LRRC37A2: variants seen among roughly 807,000 people sequenced by gnomAD.
LRRC37A2 encodes leucine-rich repeat-containing protein 37A2.
In LRRC37A2, 9 loss-of-function variants were observed where a neutral mutation model predicts 68.8. The ratio of observed to expected loss-of-function variants is 0.13; its 90% CI spans 0.08 to 0.23. The LOEUF is 0.23. LRRC37A2 is among the 10% of genes least tolerant of loss of function. The probability of loss-of-function intolerance (pLI) is 1.00; values close to 1 mark genes in which losing one functional copy is unlikely to be tolerated. For synonymous variants in LRRC37A2, 63 were observed against 367.6 expected, an observed-to-expected ratio of 0.17 and a Z score of 9.48; for missense variants, 168 against 950.4, an observed-to-expected ratio of 0.18 and a Z score of 10.82.
At chr17:46,379,866 GTTTTTTTTTTTT>G in the LRRC37A2 span, among the ~76,000 whole-genome samples, 6 of 47,808 alleles carry the variant, frequency 1.3e-4, no homozygotes, top group African/African-American at 3.2e-4. Context: ...TTGCAATACT[GTTTTTTTTTTTT>G]TTTTTTTTTT....
At chr17:47,019,937 A>C in the LRRC37A2 span, 1 of 682,568 alleles carries the variant, frequency 1.5e-6, no homozygotes, top group Non-Finnish European at 2.6e-6. Flanking sequence ...TTGCTTGTCA[A>C]CTCTCCCTTC....
chr17:46,919,839 C>A, the LRRC37A2 span, among the ~76,000 whole-genome samples: 1 of 151,948 alleles, frequency 6.6e-6, no homozygotes, highest in African/African-American at 2.4e-5. Context: ...CCTAGCTACT[C>A]GGGAGGCTGA....
chr17:46,723,087 G>A, the LRRC37A2 span, among the ~76,000 whole-genome samples: 1 of 152,202 alleles, frequency 6.6e-6, no homozygotes, highest in African/African-American at 2.4e-5. Flanking sequence ...AGATAAGTTG[G>A]TGAGACTACA....
chr17:46,986,974 G>A, the LRRC37A2 span, among the ~76,000 whole-genome samples: 2 of 152,130 alleles, frequency 1.3e-5, no homozygotes, highest in Non-Finnish European at 2.9e-5. Flanking sequence ...GGCCAGGGGG[G>A]GTGGCTCACA....
the LRRC37A2 span, among the ~76,000 whole-genome samples, chr17:46,951,890 T>TC: frequency 4.3e-3 from 653 of 151,708 alleles, 37 homozygotes; most frequent in East Asian, 0.1. Flanking sequence ...TCGCTGCTTC[T>TC]CCCCCCCAGA....
At chr17:46,800,938 G>T in the LRRC37A2 span, among the ~76,000 whole-genome samples, 1 of 152,162 alleles carries the variant, frequency 6.6e-6, no homozygotes, top group African/African-American at 2.4e-5. Flanking sequence ...GAGAAGGCAG[G>T]GGGTAGCACA....
At chr17:46,541,751 T>C (rs1310563501) in intron 8 of LRRC37A2, among the ~76,000 whole-genome samples, 1 of 150,888 alleles carries the variant, frequency 6.6e-6, no homozygotes, top group Non-Finnish European at 1.5e-5. Context: ...AGTATAATTA[T>C]GTACATACCA....
chr17:47,034,808 T>C, the LRRC37A2 span, among the ~76,000 whole-genome samples: 8 of 151,698 alleles, frequency 5.3e-5, no homozygotes, highest in Non-Finnish European at 2.9e-5. Flanking sequence ...CCACCAGTGG[T>C]CTTACAACTT....
the LRRC37A2 span, among the ~76,000 whole-genome samples, chr17:46,890,356 G>C: frequency 0.25 from 38,041 of 152,176 alleles, 6,051 homozygotes; most frequent in Non-Finnish European, 0.36. Context: ...CCCCTGGTGG[G>C]CTTTCCTCCT....
At chr17:46,721,506 A>G in the LRRC37A2 span, 5 of 915,568 alleles carry the variant, frequency 5.5e-6, no homozygotes, top group South Asian at 5.5e-5. Flanking sequence ...AGGAAACTTC[A>G]TAATAGAACT....
the LRRC37A2 span, among the ~76,000 whole-genome samples, chr17:46,813,912 A>G: frequency 6.6e-6 from 1 of 152,200 alleles, no homozygotes; most frequent in Non-Finnish European, 1.5e-5. Context: ...TGTCTGCCTC[A>G]GTTTCTCCAC....
the LRRC37A2 span, among the ~76,000 whole-genome samples, chr17:46,786,516 C>T: frequency 3.9e-5 from 6 of 152,258 alleles, no homozygotes; most frequent in East Asian, 1.9e-4. Flanking sequence ...AGGCACCAAG[C>T]CCACAGGTGG....
At chr17:46,708,031 C>CA in the LRRC37A2 span, among the ~76,000 whole-genome samples, 2,777 of 85,372 alleles carry the variant, frequency 0.033, 69 homozygotes, top group East Asian at 0.11. Context: ...GACCCTGTCT[C>CA]AAAAAAAAAA....
At chr17:46,839,942 TTCTTTC>T in the LRRC37A2 span, among the ~76,000 whole-genome samples, 5 of 149,638 alleles carry the variant, frequency 3.3e-5, no homozygotes, top group South Asian at 2.1e-4. Context: ...CTTTCTTTCT[TTCTTTC>T]TTTCTTTCTT....
the LRRC37A2 span, among the ~76,000 whole-genome samples, chr17:46,849,486 C>T: frequency 6.6e-6 from 1 of 152,188 alleles, no homozygotes; most frequent in Non-Finnish European, 1.5e-5. Flanking sequence ...TGTCTGCCAC[C>T]CCAGTCCATG....
chr17:46,560,644 C>A (rs1486015343), downstream of LRRC37A2: 2 of 34,320 alleles, frequency 5.8e-5, no homozygotes, highest in African/African-American at 3.1e-4. Flanking sequence ...GAACTCAGCT[C>A]ACTGCAAGTC....
chr17:46,923,387 G>C, the LRRC37A2 span: 1 of 1,464,850 alleles, frequency 6.8e-7, no homozygotes. Flanking sequence ...GGGACTCCCA[G>C]GTCAGCCACA....
chr17:46,380,813 G>A, the LRRC37A2 span, among the ~76,000 whole-genome samples: 1 of 9,824 alleles, frequency 1.0e-4, no homozygotes, highest in African/African-American at 1.1e-4. Context: ...TCATTTGGCC[G>A]GGCGCGGTGG....
chr17:46,877,712 A>G, the LRRC37A2 span, among the ~76,000 whole-genome samples: 7 of 152,178 alleles, frequency 4.6e-5, no homozygotes, highest in African/African-American at 1.2e-4. Flanking sequence ...CTGGTCTGTG[A>G]CACCCCCATA....
Sources: allele counts gnomAD v4.1 joint callset (sites outside exome capture counted in the v4.1 genomes callset), GRCh38; gene constraint gnomAD v4.1.1; transcripts MANE v1.5; gene names NCBI Gene and HGNC (gene_info 2026-07-23, HGNC 2026-07-21).